CCDC33: variants seen among roughly 807,000 people sequenced by gnomAD.
The protein encoded by CCDC33 is coiled-coil domain containing 33.
A neutral mutation model predicts 91.9 loss-of-function variants in CCDC33; 94 were observed. The ratio of observed to expected loss-of-function variants is 1.02; its 90% CI spans 0.87 to 1.21. The LOEUF (loss-of-function observed/expected upper bound fraction) is 1.21, where lower values mean the gene tolerates loss of function less well. CCDC33 is among the 50% of genes most tolerant of loss of function. The pLI, the probability that CCDC33 is intolerant of heterozygous loss-of-function variation, is 0.00. For synonymous variants in CCDC33, 396 were observed against 374.5 expected, an observed-to-expected ratio of 1.06 and a Z score of -0.66; for missense variants, 940 against 935.5, an observed-to-expected ratio of 1.00 and a Z score of -0.06.
chr15:74,287,463 C>G (rs1313510780), intron 10 of CCDC33, among the ~76,000 whole-genome samples: 2 of 152,178 alleles, frequency 1.3e-5, no homozygotes, highest in African/African-American at 4.8e-5. Flanking sequence ...CTTTCCCTCA[C>G]CTGCTCAGGT....
intron 3 of CCDC33, among the ~76,000 whole-genome samples, chr15:74,264,360 GA>G (rs1251174534): frequency 2.0e-5 from 3 of 152,144 alleles, no homozygotes; most frequent in Non-Finnish European, 2.9e-5. Flanking sequence ...GGAACGGTGG[GA>G]GGCCGGAAGG....
chr15:74,217,145 TCAAA>T (rs928538606), upstream of CCDC33: 3 of 623,078 alleles, frequency 4.8e-6, no homozygotes, highest in South Asian at 2.4e-5. Flanking sequence ...TGGTTTCTCC[TCAAA>T]CAAACAGAGG....
intron 2 of CCDC33, among the ~76,000 whole-genome samples, chr15:74,219,726 C>A (rs1293158699): frequency 6.6e-6 from 1 of 152,176 alleles, no homozygotes; most frequent in Non-Finnish European, 1.5e-5. Flanking sequence ...TTTATCCATT[C>A]ATTCATCCAT....
chr15:74,217,235 T>A (rs1329070207), exon 1 of CCDC33: 1 of 1,229,346 alleles, frequency 8.1e-7, no homozygotes, highest in Non-Finnish European at 1.0e-6. Flanking sequence ...GGTGAGAGGG[T>A]GCAGTGCTCA....
intron 2 of CCDC33, among the ~76,000 whole-genome samples, chr15:74,258,979 G>A (rs944933805): frequency 2.6e-5 from 4 of 152,184 alleles, no homozygotes; most frequent in Non-Finnish European, 5.9e-5. Flanking sequence ...CCTTCCAGCA[G>A]CCTGGAGGGT....
intron 2 of CCDC33, among the ~76,000 whole-genome samples, chr15:74,254,599 C>T (rs545725872): frequency 1.3e-4 from 20 of 152,260 alleles, no homozygotes; most frequent in African/African-American, 4.6e-4. Flanking sequence ...CCCCTTCTTT[C>T]CTCGCCTCCA....
chr15:74,284,133 A>C (rs1346677128), intron 10 of CCDC33, among the ~76,000 whole-genome samples: 1 of 152,206 alleles, frequency 6.6e-6, no homozygotes, highest in African/African-American at 2.4e-5. Context: ...GGTTAAATTC[A>C]CCATGAAGTC....
chr15:74,334,877 T>A (rs1393622060), intron 17 of CCDC33, 98 bp from the exon 18 acceptor site: 2 of 1,050,896 alleles, frequency 1.9e-6, no homozygotes, highest in Non-Finnish European at 3.0e-6. Flanking sequence ...GAGCTTTGCT[T>A]TCTGCCTGGA....
intron 2 of CCDC33, among the ~76,000 whole-genome samples, chr15:74,255,131 C>T (rs199535019): frequency 6.6e-6 from 1 of 150,616 alleles, no homozygotes; most frequent in East Asian, 2.0e-4. Flanking sequence ...TGGATCCAGC[C>T]CTCTCCTGAG....
intron 1 of CCDC33, among the ~76,000 whole-genome samples, chr15:74,237,523 T>C (rs2142231137): frequency 6.6e-6 from 1 of 152,320 alleles, no homozygotes; most frequent in East Asian, 1.9e-4. Flanking sequence ...ATAAGCCAAA[T>C]AGCTGGGGGT....
In CCDC33 at chr15:74,263,816, G is replaced by C. The variant is rs114066793; in HGVS notation, c.319+1243G>C. Among the ~76,000 whole-genome samples, 1,344 of 152,332 alleles carry C rather than the reference G, an allele frequency of 8.8e-3. 15 individuals are homozygous for C. The highest frequency in any genetic ancestry group is 0.031 in the African/African-American group (1,287 of 41,564). On this transcript the variant is annotated intron_variant, in intron 3 of 18. Transcript: ENST00000398814. Reference sequence around the variant, plus strand: ...CGTGGGTGTGTCTAGCTGCAACAGTGTGGTTATATGTGTGTCTGGATGAAT... The same window carrying C: ...CGTGGGTGTGTCTAGCTGCAACAGTCTGGTTATATGTGTGTCTGGATGAAT...
chr15:74,322,801 T>C (rs569114463), intron 11 of CCDC33, among the ~76,000 whole-genome samples: 4 of 152,310 alleles, frequency 2.6e-5, no homozygotes, highest in African/African-American at 9.6e-5. Flanking sequence ...GCAGATGGCC[T>C]GGGCCTGCCA....
intron 12 of CCDC33, 31 bp downstream of exon 12, chr15:74,330,385 G>A (rs773921732): frequency 1.8e-5 from 27 of 1,530,924 alleles, no homozygotes; most frequent in South Asian, 6.2e-5. Flanking sequence ...AAGGGCACCC[G>A]GGCTTCTGCC....
chr15:74,250,589 T>C (rs1356920537), intron 2 of CCDC33, among the ~76,000 whole-genome samples: 2 of 152,246 alleles, frequency 1.3e-5, no homozygotes, highest in Non-Finnish European at 2.9e-5. Flanking sequence ...TACCAGGATA[T>C]GTGCTTATGC....
Position 74,268,474 on chromosome 15 carries a change from C to T in CCDC33, c.546+16C>T. ...GGCTCTGGAGGTACCAGGGCTGGGG[C>T]CCTCTGGGGTGGTGGTGGGGGTGGG... On this transcript the variant is annotated intron_variant, in intron 5 of 18. Transcript: ENST00000398814. 1 of 1,571,394 alleles carries T rather than the reference C, an allele frequency of 6.4e-7. No homozygotes were observed. Among genetic ancestry groups the T allele is most frequent in the Non-Finnish European group, 8.7e-7 (1 of 1,146,574 alleles).
At chr15:74,317,080 C>T (rs574233549) in intron 11 of CCDC33, among the ~76,000 whole-genome samples, 1 of 152,288 alleles carries the variant, frequency 6.6e-6, no homozygotes, top group African/African-American at 2.4e-5. Flanking sequence ...GTGGAGTGGG[C>T]CAGGTGCAGT....
intron 11 of CCDC33, chr15:74,311,663 T>C (rs1249330320): frequency 6.6e-6 from 1 of 152,178 alleles, no homozygotes; most frequent in African/African-American, 2.4e-5. Context: ...GGAAACAGGC[T>C]TTGCTCTGGG....
At chr15:74,268,270 G>A (rs2076220123) in intron 4 of CCDC33, 72 bp from the exon 5 acceptor site, 5 of 1,094,468 alleles carry the variant, frequency 4.6e-6, no homozygotes, top group Non-Finnish European at 7.0e-6. Context: ...GCAGAGGGCT[G>A]GATTTATGGC....
At chr15:74,230,876 C>T (rs1028701383) in intron 2 of CCDC33, among the ~76,000 whole-genome samples, 5 of 152,184 alleles carry the variant, frequency 3.3e-5, no homozygotes, top group African/African-American at 4.8e-5. Flanking sequence ...ACCCTCACTC[C>T]GGTGCCTGGC....
Sources: allele counts gnomAD v4.1 joint callset (sites outside exome capture counted in the v4.1 genomes callset), GRCh38; gene constraint gnomAD v4.1.1; transcripts MANE v1.5; gene names NCBI Gene and HGNC (gene_info 2026-07-23, HGNC 2026-07-21).